BCOR: variants seen among roughly 807,000 people sequenced by gnomAD.
BCOR encodes the protein BCL-6 corepressor.
A neutral mutation model predicts 86.7 loss-of-function variants in BCOR; 10 were observed. The observed-to-expected ratio is 0.12, with a 90% CI of 0.07 to 0.20. The LOEUF (loss-of-function observed/expected upper bound fraction) is 0.20, where lower values mean the gene tolerates loss of function less well. Ranked by LOEUF, BCOR falls within the 10% of genes least tolerant of loss-of-function variation. The pLI is 1.00. For synonymous variants in BCOR, 611 were observed against 609.0 expected (o/e 1.00, Z -0.05); for missense variants, 1,259 against 1,452.1 (o/e 0.87, Z 2.16).
Position 40,074,007 on chromosome X carries a change from C to T in BCOR, c.1339G>A (p.Val447Met). ...GCTTTGGAAGCATCTACATCCACCA[C>T]TTTAGAAGACAAGTCTAGTGGCTTA... ...TDKPLDLSSK[V>M]VDVDASKADH... Residue 447 changes from valine to methionine, a missense_variant, in exon 4 of 15, where the codon GTG (valine) becomes ATG (methionine). Val to Met is a conservative substitution (Grantham distance 21). Transcript: ENST00000378444. 8.2e-7 allele frequency: 1 copy of T among 1,212,260 alleles called. No homozygotes were observed. Among genetic ancestry groups the T allele is most frequent in the Non-Finnish European group, 1.1e-6 (1 of 895,632 alleles).
chrX:40,104,078 G>A (rs1054596416), intron 1 of BCOR, among the ~76,000 whole-genome samples: 2 of 111,490 alleles, frequency 1.8e-5, no homozygotes, highest in African/African-American at 6.5e-5. Context: ...TTCTCGCGGG[G>A]GGCAGGATTA....
chrX:40,158,300 C>A (rs1405334883), intron 1 of BCOR, among the ~76,000 whole-genome samples: 2 of 112,348 alleles, frequency 1.8e-5, no homozygotes, highest in South Asian at 7.1e-4. Context: ...CGCCGCTTCT[C>A]CCCCGGACGC....
chrX:40,106,945 G>A (rs943284832), intron 1 of BCOR, among the ~76,000 whole-genome samples: 2 of 110,268 alleles, frequency 1.8e-5, no homozygotes, highest in Non-Finnish European at 3.8e-5. Context: ...GGAAGGTCTG[G>A]GCCACAGAGA....
chrX:40,053,912 A>G lies in BCOR; in HGVS notation c.4950T>C (p.Tyr1650=). 1 of 1,211,358 alleles carries G rather than the reference A, an allele frequency of 8.3e-7. No individual in the cohort carries two copies. Among genetic ancestry groups the G allele is most frequent in the South Asian group, 1.8e-5 (1 of 56,884 alleles). The stretch of plus-strand genomic sequence containing the variant: ...CCTGAGCCACAGATACTTGGATGTT[A>G]TAACACGGTAAGAGGGGGGTCTCTG... The part of the protein sequence containing the change: ...EFSETPLLPC[Y]NIQVSVAQGP... Residue 1650 remains tyrosine (Y), a synonymous_variant, in exon 14 of 15, where the codon TAT becomes TAC. Transcript: ENST00000378444.
At chrX:40,114,369 G>T (rs999830097) in intron 1 of BCOR, among the ~76,000 whole-genome samples, 2 of 111,453 alleles carry the variant, frequency 1.8e-5, no homozygotes, top group Non-Finnish European at 3.8e-5. Context: ...GGCTGGAGGA[G>T]CCAAGTGACC....
In BCOR at chrX:40,074,696, A is replaced by G. The variant is rs983329317; in HGVS notation, c.650T>C (p.Met217Thr). Residue 217 changes from methionine to threonine, a missense_variant, in exon 4 of 15, where the codon ATG becomes ACG. By Grantham distance (81) the Met-to-Thr change is moderately conservative. Coordinates refer to ENST00000378444, the MANE Select transcript of BCOR (RefSeq NM_001123385.2). ...CTGCTGAGGTAGCAAGGCCTTGTAC[A>G]TGTTCAGTGAATACTTATTTGGCGA... ...LDSPNKYSLN[M>T]YKALLPQQSY... is the part of the protein sequence containing the mutation. 3 of 1,211,471 alleles carry G rather than the reference A, an allele frequency of 2.5e-6. No individual in the cohort carries two copies. The highest frequency in any genetic ancestry group is 2.3e-4 in the Middle Eastern group (1 of 4,355).
chrX:40,083,305 A>C (rs1316878328), intron 1 of BCOR, among the ~76,000 whole-genome samples: 1 of 106,072 alleles, frequency 9.4e-6, no homozygotes, highest in East Asian at 3.0e-4. Flanking sequence ...ACCCCTCCCG[A>C]CCCCCTCCCC....
chrX:40,083,814 G>A (rs1406282114), intron 1 of BCOR, among the ~76,000 whole-genome samples: 1 of 112,024 alleles, frequency 8.9e-6, no homozygotes, highest in East Asian at 2.8e-4. Flanking sequence ...CAGCCTCCCC[G>A]GAGGCGGCCC....
intron 1 of BCOR, among the ~76,000 whole-genome samples, chrX:40,088,686 T>C (rs1214247783): frequency 8.9e-6 from 1 of 111,829 alleles, no homozygotes; most frequent in Non-Finnish European, 1.9e-5. Flanking sequence ...TACATATTGA[T>C]ATAAAAGAAG....
intron 11 of BCOR, among the ~76,000 whole-genome samples, chrX:40,055,907 C>T (rs1934569538): frequency 9.1e-6 from 1 of 109,841 alleles, no homozygotes; most frequent in Admixed American, 9.7e-5. Context: ...ACTGCAGCCT[C>T]GATCTCCTGG....
intron 10 of BCOR, among the ~76,000 whole-genome samples, chrX:40,060,686 C>T (rs908036855): frequency 1.8e-5 from 2 of 112,563 alleles, no homozygotes; most frequent in African/African-American, 3.2e-5. Context: ...TCCTCATAGG[C>T]GCCGCTGCTC....
At chrX:40,078,437 G>A (rs1335551808) in intron 1 of BCOR, among the ~76,000 whole-genome samples, 1 of 112,018 alleles carries the variant, frequency 8.9e-6, no homozygotes, top group Non-Finnish European at 1.9e-5. Context: ...AAGAAGGGTG[G>A]AAGGCACCAC....
chrX:40,076,197 T>C (rs1157706135), intron 3 of BCOR, among the ~76,000 whole-genome samples: 2 of 111,641 alleles, frequency 1.8e-5, no homozygotes, highest in African/African-American at 6.5e-5. Context: ...TGATGTGGCA[T>C]CCAGCTTATG....
Position 40,121,429 on chromosome X carries a change from C to T in BCOR, c.-40-43460G>A, listed in dbSNP as rs188447714. On this transcript the variant is annotated intron_variant, in intron 1 of 14. Transcript: ENST00000342274. ...CTCAAACCACCCTGCCCTTCCTCTA[C>T]GCCACAGGCCTCCCCAGTGCACAGC... 1.2e-4 allele frequency among the ~76,000 whole-genome samples: 14 copies of T among 112,916 alleles called. No individual in the cohort carries two copies. The East Asian group carries it at 3.3e-3, about 27-fold the overall frequency.
At chrX:40,065,844 A>G (rs1380798122) in intron 6 of BCOR, among the ~76,000 whole-genome samples, 4 of 108,445 alleles carry the variant, frequency 3.7e-5, no homozygotes, top group African/African-American at 1.3e-4. Context: ...CGCTGATCTC[A>G]TTCTTCCTCT....
chrX:40,082,861 G>A, intron 1 of BCOR, among the ~76,000 whole-genome samples: 1 of 112,023 alleles, frequency 8.9e-6, no homozygotes, highest in South Asian at 3.7e-4. Context: ...ATAAGCCCCA[G>A]AATCACAACA....
chrX:40,150,936 C>T (rs760172582), intron 1 of BCOR, among the ~76,000 whole-genome samples: 15 of 112,509 alleles, frequency 1.3e-4, no homozygotes, highest in Non-Finnish European at 2.4e-4. Context: ...AGCTCTGGGC[C>T]TCTTACAGAT....
intron 1 of BCOR, among the ~76,000 whole-genome samples, chrX:40,105,729 G>A (rs1937166913): frequency 8.9e-6 from 1 of 112,340 alleles, no homozygotes; most frequent in African/African-American, 3.2e-5. Context: ...GGGCTCCGAA[G>A]CTCAGGGCCA....
At position 40,070,962 on chromosome X, in the gene BCOR, G is replaced by A; in HGVS notation, c.3238+11C>T. On this transcript the variant is annotated intron_variant, in intron 6 of 14. Coordinates refer to ENST00000378444, the MANE Select transcript of BCOR (RefSeq NM_001123385.2). ...GAGGCCAACACAAGCAAACTGCTCA[G>A]GTTTACTTACATCTCTCACTTTCGT... The A allele has an allele frequency of 8.3e-7, 1 of 1,208,792 alleles. No individual in the cohort carries two copies. The highest frequency in any genetic ancestry group is 1.8e-5 in the South Asian group (1 of 56,920).
Sources: gnomAD v4.1 joint callset for allele counts (sites outside exome capture counted in the v4.1 genomes callset) on GRCh38, gnomAD v4.1.1 for gene constraint, MANE v1.5 for transcripts, NCBI Gene and HGNC (gene_info 2026-07-23, HGNC 2026-07-21) for gene names.